CDH19: variants seen among roughly 807,000 people sequenced by gnomAD.
CDH19 encodes the protein cadherin-19.
In CDH19, 67 loss-of-function variants were observed where a neutral mutation model predicts 64.2. That is an observed-to-expected ratio of 1.04 (90% CI 0.86 to 1.28). The LOEUF is 1.28. Ranked by LOEUF, CDH19 falls within the 50% of genes most tolerant of loss-of-function variation. The pLI is 0.00. For missense variants in CDH19, 1,030 were observed against 929.0 expected (o/e 1.11, Z -1.41); for synonymous variants, 346 against 319.3 (o/e 1.08, Z -0.89).
At chr18:66,534,597 A>C (rs1174868032) in intron 8 of CDH19, among the ~76,000 whole-genome samples, 1 of 151,962 alleles carries the variant, frequency 6.6e-6, no homozygotes, top group African/African-American at 2.4e-5. Context: ...TTAAGCTTTA[A>C]TAAATATAAT....
Position 66,532,519 on chromosome 18 carries a change from C to G in CDH19, c.1336+2467G>C, listed in dbSNP as rs533562461. ...ACACACACACACACACACACACACA[C>G]AGAGAAAGAGAGAGAGAGAGGGAAA... On this transcript the variant is annotated intron_variant, in intron 8 of 11. Transcript: ENST00000262150. The G allele has an allele frequency of 1.7e-3, 513 of 294,648 alleles. 2 individuals are homozygous for G. The highest frequency in any genetic ancestry group is 3.7e-3 in the African/African-American group (166 of 44,634). The allele number at this position is 294,648 out of a possible 1,614,324, so 18.3% of individuals were successfully genotyped here.
intron 1 of CDH19, among the ~76,000 whole-genome samples, chr18:66,576,053 CA>C (rs1185702753): frequency 2.6e-5 from 4 of 151,166 alleles, no homozygotes; most frequent in African/African-American, 9.7e-5. Context: ...AATAAAATAA[CA>C]GAGTTTACTA....
intron 1 of CDH19, among the ~76,000 whole-genome samples, chr18:66,579,424 T>C (rs919381783): frequency 2.0e-5 from 3 of 152,058 alleles, no homozygotes; most frequent in African/African-American, 7.2e-5. Context: ...TCTACAGATT[T>C]GCTACCCACA....
intron 9 of CDH19, among the ~76,000 whole-genome samples, chr18:66,518,341 C>A (rs886090554): frequency 1.3e-5 from 2 of 152,092 alleles, no homozygotes; most frequent in Non-Finnish European, 2.9e-5. Context: ...TCAAGCGATT[C>A]TCCTGCCTCA....
intron 1 of CDH19, among the ~76,000 whole-genome samples, chr18:66,595,194 C>G (rs1988852511): frequency 6.6e-6 from 1 of 151,582 alleles, no homozygotes; most frequent in African/African-American, 2.4e-5. Flanking sequence ...ACTGCTAAAG[C>G]AGTGTTAAGA....
Position 66,597,162 on chromosome 18 carries a change from T to C in CDH19, c.-113+6792A>G, listed in dbSNP as rs1421881885. Among the ~76,000 whole-genome samples the C allele has an allele frequency of 1.3e-4, 11 of 86,294 alleles. No homozygotes were observed. The Admixed American group carries it at 1.5e-3, about 12-fold the overall frequency. The allele number at this position is 86,294 out of a possible 152,430, so 56.6% of individuals were successfully genotyped here. A position where few individuals can be genotyped will look rare whatever the true frequency, so the allele number is the denominator to read the frequency against. ...CCAAAGAGCCAAAGCAATCTTAAGT[T>C]AAAAAAAAAAAAAAAAAGCTGGAAG... On this transcript the variant is annotated intron_variant, in intron 1 of 11. Coordinates refer to ENST00000262150, the MANE Select transcript of CDH19 (RefSeq NM_021153.4).
intron 5 of CDH19, among the ~76,000 whole-genome samples, chr18:66,547,053 G>T (rs555513151): frequency 6.6e-6 from 1 of 152,226 alleles, no homozygotes; most frequent in South Asian, 2.1e-4. Context: ...ATTTTAACAA[G>T]ATTATAAAGC....
intron 1 of CDH19, among the ~76,000 whole-genome samples, chr18:66,579,016 G>A (rs1260441517): frequency 1.3e-5 from 2 of 151,842 alleles, no homozygotes; most frequent in Non-Finnish European, 1.5e-5. Context: ...ATGATGAAGG[G>A]ACATGAGGAG....
In CDH19 at chr18:66,544,747, G is replaced by A; in HGVS notation, c.932C>T (p.Thr311Ile). ...QTFDIITNHETQEGIVILKKK... is the reference protein window; with the variant it reads ...QTFDIITNHEIQEGIVILKKK... ...TTTTAATATAACTATTCCTTCTTGAGTTTCATGATTAGTAATAATGTCAAA... is the reference window on the plus strand; with the variant it reads ...TTTTAATATAACTATTCCTTCTTGAATTTCATGATTAGTAATAATGTCAAA... Residue 311 changes from threonine to isoleucine, a missense_variant, in exon 6 of 12, where the codon ACT becomes ATT. By Grantham distance (89) the Thr-to-Ile change is moderately conservative. Coordinates refer to ENST00000262150, the MANE Select transcript of CDH19 (RefSeq NM_021153.4). The A allele has an allele frequency of 5.0e-6, 8 of 1,608,466 alleles. No homozygotes were observed. The highest frequency in any genetic ancestry group is 6.8e-6 in the Non-Finnish European group (8 of 1,176,800).
chr18:66,599,636 G>A (rs1385890553), intron 1 of CDH19, among the ~76,000 whole-genome samples: 2 of 151,902 alleles, frequency 1.3e-5, no homozygotes, highest in Admixed American at 6.6e-5. Context: ...TTGTTTTCAT[G>A]AATTCTAACA....
At chr18:66,508,079 T>A (rs1250157474) in intron 11 of CDH19, among the ~76,000 whole-genome samples, 1 of 151,862 alleles carries the variant, frequency 6.6e-6, no homozygotes, top group East Asian at 1.9e-4. Context: ...AAGAAAGAAG[T>A]TCTGTCACTT....
chr18:66,511,283 A>G (rs1272946694), intron 10 of CDH19, among the ~76,000 whole-genome samples: 1 of 151,724 alleles, frequency 6.6e-6, no homozygotes, highest in East Asian at 1.9e-4. Context: ...GTGGTGTCAG[A>G]ACTGCAATTA....
chr18:66,598,579 A>G (rs2144645359), intron 1 of CDH19, among the ~76,000 whole-genome samples: 1 of 152,276 alleles, frequency 6.6e-6, no homozygotes, highest in South Asian at 2.1e-4. Flanking sequence ...AACTAATGCA[A>G]GAACAGAAAA....
intron 10 of CDH19, among the ~76,000 whole-genome samples, chr18:66,511,074 A>C (rs2144346569): frequency 6.6e-6 from 1 of 151,924 alleles, no homozygotes; most frequent in Admixed American, 6.6e-5. Flanking sequence ...TGGAACACTT[A>C]ATCCTTAGAT....
At chr18:66,527,564 T>C (rs1306319564) in intron 9 of CDH19, among the ~76,000 whole-genome samples, 3 of 151,952 alleles carry the variant, frequency 2.0e-5, no homozygotes, top group Non-Finnish European at 4.4e-5. Flanking sequence ...CTGCCCAACA[T>C]GGCAAAAACC....
intron 2 of CDH19, among the ~76,000 whole-genome samples, chr18:66,570,558 T>C (rs1344869513): frequency 1.3e-5 from 2 of 151,720 alleles, no homozygotes; most frequent in Non-Finnish European, 2.9e-5. Flanking sequence ...AAGAGAGTTA[T>C]CTTGAACGCA....
At position 66,505,621 on chromosome 18, in the gene CDH19, A is replaced by T. The variant is rs1048835795; in HGVS notation, c.1829-319T>A. ...TATATTAGATGATGAACAATTTAAC[A>T]TTCAAAATCTGTTTCTTCTCAAATA... On this transcript the variant is annotated intron_variant, in intron 11 of 11. Coordinates refer to ENST00000262150, the MANE Select transcript of CDH19 (RefSeq NM_021153.4). 5.2e-5 allele frequency among the ~76,000 whole-genome samples: 7 copies of T among 133,898 alleles called. 1 individual carries two copies. The Admixed American group carries it at 5.3e-4, about 10-fold the overall frequency. The allele number at this position is 133,898 out of a possible 152,430, so 87.8% of individuals were successfully genotyped here.
chr18:66,527,240 G>A (rs1439956165), intron 9 of CDH19, among the ~76,000 whole-genome samples: 2 of 151,646 alleles, frequency 1.3e-5, no homozygotes, highest in Admixed American at 1.3e-4. Context: ...TATCCATGTG[G>A]TTAGTATTGT....
chr18:66,549,498 A>G (rs1987259339), intron 5 of CDH19, among the ~76,000 whole-genome samples: 3 of 152,042 alleles, frequency 2.0e-5, no homozygotes, highest in African/African-American at 7.2e-5. Flanking sequence ...AATGTTGTGG[A>G]CAGAAGACAA....
Sources: allele counts gnomAD v4.1 joint callset (sites outside exome capture counted in the v4.1 genomes callset), GRCh38; gene constraint gnomAD v4.1.1; transcripts MANE v1.5; gene names NCBI Gene and HGNC (gene_info 2026-07-23, HGNC 2026-07-21).